SYNGR1: variants seen among roughly 807,000 people sequenced by gnomAD.
SYNGR1 encodes synaptogyrin 1.
In SYNGR1, 14 loss-of-function variants were observed where a neutral mutation model predicts 26.1. The ratio of observed to expected loss-of-function variants is 0.54; its 90% CI spans 0.35 to 0.84. The LOEUF is 0.84. SYNGR1 is among the 40% of genes least tolerant of loss of function. SYNGR1 has a pLI of 0.01. For missense variants in SYNGR1, 319 were observed against 332.9 expected, an observed-to-expected ratio of 0.96 and a Z score of 0.33; for synonymous variants, 141 against 150.1, an observed-to-expected ratio of 0.94 and a Z score of 0.44.
rs534609697 is a variant in SYNGR1, at chr22:39,350,507, G to T, written c.99+398G>T. Reference sequence around the variant, plus strand: ...GGTTTAAGGTGGCCTTTTTTGGGGGGTGGATCAGGGCGTGGACCATCTCGG... The same window carrying T: ...GGTTTAAGGTGGCCTTTTTTGGGGGTTGGATCAGGGCGTGGACCATCTCGG... On this transcript the variant is annotated intron_variant, in intron 1 of 3. Transcript: ENST00000328933. This position sits in a 1 kb window ranked among gnomAD's most constrained non-coding sequence, Gnocchi z 4.3. 1.3e-5 allele frequency among the ~76,000 whole-genome samples: 2 copies of T among 152,330 alleles called. No homozygotes were observed. Among genetic ancestry groups the T allele is most frequent in the African/African-American group, 4.8e-5 (2 of 41,586 alleles).
intron 1 of SYNGR1, among the ~76,000 whole-genome samples, chr22:39,357,186 A>G (rs746796936): frequency 6.6e-6 from 1 of 152,138 alleles, no homozygotes; most frequent in Non-Finnish European, 1.5e-5. Flanking sequence ...GAATCGCCTG[A>G]ACCCAGGAGG....
In SYNGR1 at chr22:39,350,530, C is replaced by T. The variant is rs910413210; in HGVS notation, c.99+421C>T. Among the ~76,000 whole-genome samples the T allele has an allele frequency of 6.6e-6, 1 of 152,034 alleles. No homozygotes were observed. Among genetic ancestry groups the T allele is most frequent in the African/African-American group, 2.4e-5 (1 of 41,402 alleles). The stretch of plus-strand genomic sequence containing the variant: ...GGGTGGATCAGGGCGTGGACCATCT[C>T]GGTGGGGTGCATGCCGCGCCTGCGA... On this transcript the variant is annotated intron_variant, in intron 1 of 3. Coordinates refer to ENST00000328933, the MANE Select transcript of SYNGR1 (RefSeq NM_004711.5). The surrounding 1 kb of genome is among the most constrained non-coding windows in gnomAD (Gnocchi z 4.3).
chr22:39,350,191 ACC>A lies in SYNGR1; in HGVS notation c.99+85_99+86del. 1.0e-6 allele frequency: 1 copy of A among 976,256 alleles called. No homozygotes were observed. Among genetic ancestry groups the A allele is most frequent in the Non-Finnish European group, 1.3e-6 (1 of 763,980 alleles). 60.5% of individuals were successfully genotyped at this position (976,256 alleles called of 1,614,324 possible). ...AGGCGGCGCGCCCGGACCGACCCCGACCCCGACCCCAACGGGCCCCCGGCGGC... is the reference window on the plus strand; with the variant it reads ...AGGCGGCGCGCCCGGACCGACCCCGACCGACCCCAACGGGCCCCCGGCGGC... On this transcript the variant is annotated intron_variant, in intron 1 of 3. Transcript: ENST00000328933. The surrounding 1 kb of genome is among the most constrained non-coding windows in gnomAD (Gnocchi z 4.3).
At chr22:39,373,058 A>G (rs906067183) in intron 1 of SYNGR1, among the ~76,000 whole-genome samples, 1 of 152,098 alleles carries the variant, frequency 6.6e-6, no homozygotes, top group African/African-American at 2.4e-5. Flanking sequence ...TCAGTGAGAT[A>G]GCATGTGTAA....
At chr22:39,372,002 C>T (rs1288833196) in intron 1 of SYNGR1, among the ~76,000 whole-genome samples, 2 of 151,980 alleles carry the variant, frequency 1.3e-5, no homozygotes, top group Admixed American at 6.6e-5. Flanking sequence ...CTGACAGTTT[C>T]TGTGGGTGAG....
intron 1 of SYNGR1, among the ~76,000 whole-genome samples, chr22:39,357,770 T>C (rs1569174735): frequency 6.6e-6 from 1 of 151,958 alleles, no homozygotes; most frequent in Non-Finnish European, 1.5e-5. Context: ...GTGTACTGGG[T>C]CCCTCAGCAG....
At position 39,350,190 on chromosome 22, in the gene SYNGR1, G is replaced by T; in HGVS notation, c.99+81G>T. The T allele has an allele frequency of 1.0e-6, 1 of 987,632 alleles. No individual in the cohort carries two copies. 61.2% of individuals were successfully genotyped at this position (987,632 alleles called of 1,614,324 possible). On this transcript the variant is annotated intron_variant, in intron 1 of 3. Transcript: ENST00000328933. This position sits in a 1 kb window ranked among gnomAD's most constrained non-coding sequence, Gnocchi z 4.3. ...AAGGCGGCGCGCCCGGACCGACCCCGACCCCGACCCCAACGGGCCCCCGGC... is the reference window on the plus strand; with the variant it reads ...AAGGCGGCGCGCCCGGACCGACCCCTACCCCGACCCCAACGGGCCCCCGGC...
Position 39,374,355 on chromosome 22 carries a change from G to A in SYNGR1, c.139G>A (p.Gly47Ser), listed in dbSNP as rs1433495064. The A allele has an allele frequency of 1.2e-6, 2 of 1,614,048 alleles. No individual in the cohort carries two copies. The highest frequency in any genetic ancestry group is 1.7e-6 in the Non-Finnish European group (2 of 1,180,018). ...GGTGTTCGGCTCCATCGTGAACGAG[G>A]GCTACCTCAACAGCGCCTCCGAGGG... ...IVVFGSIVNE[G>S]YLNSASEGEE... The change falls in exon 2 of 4, where the codon GGC becomes AGC. Residue 47 changes from glycine (G) to serine (S), a missense_variant. Transcript: ENST00000328933.
chr22:39,384,528 C>T lies in SYNGR1; in HGVS notation c.*2614C>T, dbSNP rs745337198. Reference sequence around the variant, plus strand: ...ATGAGAGAGGGTGAGAGATGGAGGGCGAGATTTGGATGGGACCCAGGGCTC... The same window carrying T: ...ATGAGAGAGGGTGAGAGATGGAGGGTGAGATTTGGATGGGACCCAGGGCTC... On this transcript the variant is annotated 3_prime_UTR_variant, in exon 4 of 4. Transcript: ENST00000328933. 1.0e-4 allele frequency: 40 copies of T among 398,628 alleles called. No homozygotes were observed. Among genetic ancestry groups the T allele is most frequent in the East Asian group, 1.8e-4 (5 of 28,206 alleles). 24.7% of individuals were successfully genotyped at this position (398,628 alleles called of 1,614,324 possible).
At chr22:39,374,652 G>T in intron 2 of SYNGR1, 99 bp downstream of exon 2, 1 of 1,295,322 alleles carries the variant, frequency 7.7e-7, no homozygotes, top group Non-Finnish European at 1.1e-6. Flanking sequence ...TTTCAGATGA[G>T]GAAATGAGGT....
chr22:39,378,434 C>T, intron 3 of SYNGR1: 1 of 984,738 alleles, frequency 1.0e-6, no homozygotes, highest in Non-Finnish European at 1.2e-6. Flanking sequence ...CCTCCAGAAT[C>T]TCTACTTTAA....
chr22:39,376,330 C>A, intron 3 of SYNGR1, 133 bp downstream of exon 3: 1 of 1,465,938 alleles, frequency 6.8e-7, no homozygotes, highest in Non-Finnish European at 9.4e-7. Flanking sequence ...CCTCTTCTGC[C>A]TGCCTGTCTG....
At chr22:39,358,425 C>T (rs574972289) in intron 1 of SYNGR1, among the ~76,000 whole-genome samples, 1 of 152,328 alleles carries the variant, frequency 6.6e-6, no homozygotes, top group East Asian at 1.9e-4. Context: ...TGTTCGTCTG[C>T]TCGTTGCGAT....
intron 1 of SYNGR1, among the ~76,000 whole-genome samples, chr22:39,358,756 G>GT: frequency 6.6e-6 from 1 of 152,124 alleles, no homozygotes; most frequent in Non-Finnish European, 1.5e-5. Flanking sequence ...CATTCTTGAA[G>GT]TCAGTGAGAC....
At chr22:39,358,959 G>A (rs1022424099) in intron 1 of SYNGR1, among the ~76,000 whole-genome samples, 13 of 152,370 alleles carry the variant, frequency 8.5e-5, no homozygotes, top group Admixed American at 7.2e-4. Flanking sequence ...AGCTGGGACA[G>A]CCCCAAGCTG....
chr22:39,372,307 A>G (rs1458950113), intron 1 of SYNGR1, among the ~76,000 whole-genome samples: 1 of 150,936 alleles, frequency 6.6e-6, no homozygotes, highest in Non-Finnish European at 1.5e-5. Flanking sequence ...AATGTTTTGT[A>G]TTTTTAGTAG....
At chr22:39,356,642 T>C (rs1924158156) in intron 1 of SYNGR1, among the ~76,000 whole-genome samples, 1 of 151,894 alleles carries the variant, frequency 6.6e-6, no homozygotes, top group African/African-American at 2.4e-5. Flanking sequence ...GAGAGGCAGA[T>C]GGCAGGGCTG....
At chr22:39,364,995 A>G (rs1924667198) in intron 1 of SYNGR1, among the ~76,000 whole-genome samples, 1 of 152,134 alleles carries the variant, frequency 6.6e-6, no homozygotes, top group Admixed American at 6.6e-5. Context: ...GTTTACCTTG[A>G]TGCCTTTTTT....
chr22:39,355,996 G>A (rs1276375102), intron 1 of SYNGR1, among the ~76,000 whole-genome samples: 1 of 152,168 alleles, frequency 6.6e-6, no homozygotes, highest in Middle Eastern at 3.2e-3. Context: ...TCCAGCCTGG[G>A]CTAAAAGAGT....
Sources: gnomAD v4.1 joint callset for allele counts (sites outside exome capture counted in the v4.1 genomes callset) on GRCh38, gnomAD v4.1.1 for gene constraint, Gnocchi (gnomAD v3.1) non-coding constraint, MANE v1.5 for transcripts, NCBI Gene and HGNC (gene_info 2026-07-23, HGNC 2026-07-21) for gene names.